The following SLC12A2 variants were observed in gnomAD, a reference collection of about 807,000 sequenced individuals.
SLC12A2 encodes solute carrier family 12 member 2, also known as Na-K-2Cl cotransporter 1.
A neutral mutation model predicts 136.3 loss-of-function variants in SLC12A2; 67 were observed. The ratio of observed to expected loss-of-function variants is 0.49; its 90% CI spans 0.40 to 0.60. The LOEUF is 0.60. SLC12A2 is among the 20% of genes least tolerant of loss of function. The pLI is 0.00. For missense variants in SLC12A2, 1,322 were observed against 1,534.7 expected, an observed-to-expected ratio of 0.86 and a Z score of 2.32; for synonymous variants, 619 against 562.9, an observed-to-expected ratio of 1.10 and a Z score of -1.41.
chr5:128,083,931 A>G lies in SLC12A2; in HGVS notation c.-24A>G. On this transcript the variant is annotated 5_prime_UTR_variant, in exon 1 of 27. Transcript: ENST00000262461. Reference sequence around the variant, plus strand: ...GCCGGAGACGTCCGCCGGGCTCTGCAGTTCCGCCGGGGGTCGGGCAGCTAT... The same window carrying G: ...GCCGGAGACGTCCGCCGGGCTCTGCGGTTCCGCCGGGGGTCGGGCAGCTAT... 1 of 1,224,814 alleles carries G rather than the reference A, an allele frequency of 8.2e-7. No homozygotes were observed. Among genetic ancestry groups the G allele is most frequent in the Non-Finnish European group, 1.0e-6 (1 of 982,894 alleles). The allele number at this position is 1,224,814 out of a possible 1,614,324, so 75.9% of individuals were successfully genotyped here.
intron 1 of SLC12A2, among the ~76,000 whole-genome samples, chr5:128,091,757 G>T (rs537153699): frequency 2.0e-5 from 3 of 152,232 alleles, no homozygotes; most frequent in African/African-American, 7.2e-5. Flanking sequence ...AGAAAAAATA[G>T]CTTAGTGGAA....
intron 15 of SLC12A2, among the ~76,000 whole-genome samples, chr5:128,154,404 G>T (rs1762808986): frequency 6.7e-6 from 1 of 150,086 alleles, no homozygotes; most frequent in Admixed American, 6.6e-5. Flanking sequence ...GCAACAGCGA[G>T]ACCCTGTCTC....
intron 1 of SLC12A2, among the ~76,000 whole-genome samples, chr5:128,107,291 A>C (rs796862150): frequency 3.0e-4 from 45 of 151,958 alleles, no homozygotes; most frequent in African/African-American, 8.9e-4. Context: ...GTTTATGCAC[A>C]CTTCTTATTT....
intron 25 of SLC12A2, 46 bp downstream of exon 25, chr5:128,184,547 G>A: frequency 6.7e-7 from 1 of 1,489,932 alleles, no homozygotes; most frequent in Non-Finnish European, 9.0e-7. Flanking sequence ...TATAATAAAA[G>A]ACATGAAAAC....
chr5:128,133,027 A>G (rs1389913618), intron 5 of SLC12A2, among the ~76,000 whole-genome samples: 1 of 152,138 alleles, frequency 6.6e-6, no homozygotes, highest in Non-Finnish European at 1.5e-5. Context: ...TAGTCCATGA[A>G]TCTAAAAGCC....
chr5:128,086,528 T>C (rs1760105020), intron 1 of SLC12A2, among the ~76,000 whole-genome samples: 1 of 152,314 alleles, frequency 6.6e-6, no homozygotes, highest in Non-Finnish European at 1.5e-5. Flanking sequence ...CAGAAGACTC[T>C]AGGATCTCAA....
chr5:128,189,425 T>C lies in SLC12A2; in HGVS notation c.*2794T>C, dbSNP rs1223680449. ...TTTATTTGTTACATTATTCCATTTG[T>C]ATTTTAGGTTTCCTTTTACATTCTT... On this transcript the variant is annotated 3_prime_UTR_variant, in exon 27 of 27. Coordinates refer to ENST00000262461, the MANE Select transcript of SLC12A2 (RefSeq NM_001046.3). 1 of 152,386 alleles carries C rather than the reference T, an allele frequency of 6.6e-6. No homozygotes were observed. Among genetic ancestry groups the C allele is most frequent in the Non-Finnish European group, 1.5e-5 (1 of 68,022 alleles). The allele number at this position is 152,386 out of a possible 1,614,324, so 9.4% of individuals were successfully genotyped here. A position where few individuals can be genotyped will look rare whatever the true frequency, so the allele number is the denominator to read the frequency against.
At chr5:128,161,845 A>G (rs1436655736) in intron 17 of SLC12A2, 45 bp downstream of exon 17, 11 of 1,299,316 alleles carry the variant, frequency 8.5e-6, no homozygotes, top group Non-Finnish European at 1.1e-5. Context: ...TTAGATTTGT[A>G]TAAGCTTTTT....
chr5:128,185,529 T>C (rs1581146724), intron 26 of SLC12A2, among the ~76,000 whole-genome samples: 1 of 137,834 alleles, frequency 7.3e-6, no homozygotes, highest in East Asian at 2.2e-4. Context: ...ATTCAATAAA[T>C]CAAAAAGTTT....
At chr5:128,124,756 T>C (rs991385463) in intron 4 of SLC12A2, among the ~76,000 whole-genome samples, 5 of 151,274 alleles carry the variant, frequency 3.3e-5, no homozygotes, top group Admixed American at 6.6e-5. Flanking sequence ...GCCTCTCCCT[T>C]CTCTTCTCCC....
chr5:128,116,491 G>C (rs1007402987), intron 4 of SLC12A2, among the ~76,000 whole-genome samples: 1 of 151,472 alleles, frequency 6.6e-6, no homozygotes. Flanking sequence ...GAAAGTACGA[G>C]AGTGTGGAAC....
chr5:128,159,767 G>A (rs189751777), intron 16 of SLC12A2, among the ~76,000 whole-genome samples: 116 of 152,286 alleles, frequency 7.6e-4, no homozygotes, highest in African/African-American at 2.8e-3. Flanking sequence ...TGGAGAAATA[G>A]GATCACTTTT....
At chr5:128,123,044 CA>C (rs1164514402) in intron 4 of SLC12A2, among the ~76,000 whole-genome samples, 1 of 152,052 alleles carries the variant, frequency 6.6e-6, no homozygotes, top group Non-Finnish European at 1.5e-5. Flanking sequence ...GAATTTTCAG[CA>C]TGGGTTTTTT....
rs371131143 is a variant in SLC12A2, at chr5:128,138,626, G to A, written c.1438G>A (p.Asp480Asn). ...SEIFNENFGP[D>N]FREEETFFSV... ...AATATTTAATGAGAACTTTGGGCCC[G>A]ATTTTCGAGAGGAAGAGACTTTCTT... The change falls in exon 8 of 27, where the codon GAT becomes AAT. Residue 480 changes from aspartate to asparagine, a missense_variant. Around this residue, in one of 8 missense-constraint regions of SLC12A2, gnomAD observed 110 missense variants for 114.5 expected, o/e 0.96. Coordinates refer to ENST00000262461, the MANE Select transcript of SLC12A2 (RefSeq NM_001046.3). 36 of 1,611,360 alleles carry A rather than the reference G, an allele frequency of 2.2e-5. No individual in the cohort carries two copies. Among genetic ancestry groups the A allele is most frequent in the South Asian group, 7.7e-5 (7 of 90,326 alleles).
At position 128,132,785 on chromosome 5, in the gene SLC12A2, T is replaced by C. The variant is rs114709498; in HGVS notation, c.1189-1380T>C. ...GGGCTATAATACCATGAGTAAGCAA[T>C]GTACTCATTAGAGTTTATATTCTTT... On this transcript the variant is annotated intron_variant, in intron 5 of 26. Coordinates refer to ENST00000262461, the MANE Select transcript of SLC12A2 (RefSeq NM_001046.3). Among the ~76,000 whole-genome samples the C allele has an allele frequency of 3.1e-3, 465 of 152,312 alleles. 4 individuals are homozygous for C. Among genetic ancestry groups the C allele is most frequent in the Non-Finnish European group, 5.2e-3 (353 of 68,004 alleles).
intron 1 of SLC12A2, among the ~76,000 whole-genome samples, chr5:128,100,543 G>T (rs963216772): frequency 1.3e-5 from 2 of 152,072 alleles, no homozygotes; most frequent in Admixed American, 6.6e-5. Flanking sequence ...TTGGACAAGG[G>T]ATACTTAACC....
At chr5:128,185,454 G>C (rs150758087) in intron 26 of SLC12A2, among the ~76,000 whole-genome samples, 1 of 151,816 alleles carries the variant, frequency 6.6e-6, no homozygotes, top group African/African-American at 2.4e-5. Flanking sequence ...GAAAGCTCAG[G>C]CCTCTCCCCC....
intron 4 of SLC12A2, among the ~76,000 whole-genome samples, chr5:128,119,661 C>T (rs1409341711): frequency 6.6e-6 from 1 of 152,052 alleles, no homozygotes; most frequent in African/African-American, 2.4e-5. Context: ...AGTGTGATGC[C>T]TCCAGCTTTG....
chr5:128,187,889 T>C lies in SLC12A2; in HGVS notation c.*1258T>C, dbSNP rs1212712843. The C allele has an allele frequency of 6.6e-6, 1 of 152,626 alleles. No homozygotes were observed. The highest frequency in any genetic ancestry group is 6.5e-5 in the Admixed American group (1 of 15,282). 9.5% of individuals were successfully genotyped at this position (152,626 alleles called of 1,614,324 possible). On this transcript the variant is annotated 3_prime_UTR_variant, in exon 27 of 27. Transcript: ENST00000262461. ...CTGTTACTAAAAGCTTTATATGAAA[T>C]TATTAATGTGAAGTTTTTCATTTAT...
Sources: gnomAD v4.1 joint callset for allele counts (sites outside exome capture counted in the v4.1 genomes callset) on GRCh38, gnomAD v4.1.1 for gene constraint, gnomAD v4.1.1 regional missense constraint, MANE v1.5 for transcripts, NCBI Gene and HGNC (gene_info 2026-07-23, HGNC 2026-07-21) for gene names.